The following CPNE1 variants were observed in gnomAD, a reference collection of about 807,000 sequenced individuals.
The protein encoded by CPNE1 is copine 1, also known as copine-1.
Under a neutral mutation model 63.2 loss-of-function variants are expected in CPNE1, and 58 were observed. The observed-to-expected ratio is 0.92, with a 90% CI of 0.74 to 1.14. CPNE1 has a LOEUF of 1.14. Ranked by LOEUF, CPNE1 falls within the 50% of genes most tolerant of loss-of-function variation. The pLI is 0.00. For missense variants in CPNE1, 672 were observed against 661.7 expected, an observed-to-expected ratio of 1.02 and a Z score of -0.17; for synonymous variants, 237 against 249.0, an observed-to-expected ratio of 0.95 and a Z score of 0.45.
chr20:35,655,418 CA>C, intron 1 of CPNE1: 1 of 1,288,940 alleles, frequency 7.8e-7, no homozygotes, highest in African/African-American at 1.5e-5. Context: ...CAAGAATGAC[CA>C]GCTACCATAT....
intron 13 of CPNE1, among the ~76,000 whole-genome samples, chr20:35,629,544 G>A (rs1278878374): frequency 6.6e-6 from 1 of 152,036 alleles, no homozygotes; most frequent in African/African-American, 2.4e-5. Flanking sequence ...GTAAGTACCA[G>A]GCTTACTGCT....
intron 1 of CPNE1, among the ~76,000 whole-genome samples, chr20:35,636,139 G>A (rs879846839): frequency 3.3e-5 from 5 of 152,178 alleles, no homozygotes; most frequent in Admixed American, 1.3e-4. Context: ...AGAAACAGCC[G>A]CAGTTCTTTT....
At chr20:35,645,249 T>C (rs1269955472) in intron 1 of CPNE1, among the ~76,000 whole-genome samples, 4 of 152,232 alleles carry the variant, frequency 2.6e-5, no homozygotes, top group Non-Finnish European at 5.9e-5. Context: ...TTCACTGGAA[T>C]AAATTCATTT....
chr20:35,650,929 G>A (rs1330807951), intron 1 of CPNE1: 17 of 152,564 alleles, frequency 1.1e-4, no homozygotes, highest in Non-Finnish European at 2.9e-5. Context: ...TGTTTCAAAC[G>A]AAGACAAAGG....
intron 12 of CPNE1, 86 bp downstream of exon 12, chr20:35,630,655 G>T: frequency 6.5e-7 from 1 of 1,529,606 alleles, no homozygotes; most frequent in Non-Finnish European, 9.1e-7. Flanking sequence ...AAAGCTGAGT[G>T]CCAAGTAGCA....
At chr20:35,629,915 T>A (rs563356331) in intron 13 of CPNE1, among the ~76,000 whole-genome samples, 17 of 152,000 alleles carry the variant, frequency 1.1e-4, no homozygotes, top group Non-Finnish European at 1.5e-4. Flanking sequence ...CACCTTGGCC[T>A]CGCAACTGAG....
chr20:35,648,103 T>A (rs2033253599), intron 1 of CPNE1, among the ~76,000 whole-genome samples: 1 of 151,492 alleles, frequency 6.6e-6, no homozygotes, highest in African/African-American at 2.4e-5. Context: ...GAGCAGGAGA[T>A]GAACTTGCTT....
intron 1 of CPNE1, chr20:35,658,912 C>A: frequency 1.4e-6 from 1 of 712,418 alleles, no homozygotes; most frequent in Admixed American, 2.1e-5. Flanking sequence ...AACGAACTCT[C>A]TATTCAAAAT....
chr20:35,640,926 C>T (rs1439684446), intron 1 of CPNE1, among the ~76,000 whole-genome samples: 1 of 152,092 alleles, frequency 6.6e-6, no homozygotes, highest in Non-Finnish European at 1.5e-5. Flanking sequence ...TCCCCACCCC[C>T]TGACCCTTCC....
chr20:35,653,153 G>C (rs767631496), intron 1 of CPNE1: 2 of 1,613,476 alleles, frequency 1.2e-6, no homozygotes, highest in Non-Finnish European at 8.5e-7. Context: ...AAATTACCAG[G>C]AAAGTTAAAT....
rs2032246886 is a variant in CPNE1, at chr20:35,632,714, T to G, written c.130-18A>C. ...CGGCCAAGCTGTGGGCAGAGGCCAGTAAGCATCACAGTCACAGCCTCCACC... is the reference window on the plus strand; with the variant it reads ...CGGCCAAGCTGTGGGCAGAGGCCAGGAAGCATCACAGTCACAGCCTCCACC... On this transcript the variant is annotated intron_variant, in intron 2 of 15. Coordinates refer to ENST00000397443, the MANE Select transcript of CPNE1 (RefSeq NM_152925.3). The G allele has an allele frequency of 4.4e-6, 4 of 903,778 alleles. No homozygotes were observed. Among genetic ancestry groups the G allele is most frequent in the Non-Finnish European group, 7.5e-6 (4 of 530,204 alleles). 56.0% of individuals were successfully genotyped at this position (903,778 alleles called of 1,614,324 possible). A position where few individuals can be genotyped will look rare whatever the true frequency, so the allele number is the denominator to read the frequency against.
At chr20:35,643,669 G>C (rs1013221678) in intron 1 of CPNE1, among the ~76,000 whole-genome samples, 6 of 152,126 alleles carry the variant, frequency 3.9e-5, no homozygotes, top group Non-Finnish European at 5.9e-5. Flanking sequence ...CTTGAACCCA[G>C]GAGGCGGAGC....
chr20:35,634,841 C>A (rs995881192), intron 1 of CPNE1, among the ~76,000 whole-genome samples: 4 of 151,716 alleles, frequency 2.6e-5, no homozygotes, highest in Admixed American at 6.6e-5. Flanking sequence ...TGGGTTCAAG[C>A]GATCCCTCCC....
chr20:35,646,688 A>C (rs971280371), intron 1 of CPNE1, among the ~76,000 whole-genome samples: 1 of 152,234 alleles, frequency 6.6e-6, no homozygotes, highest in Admixed American at 6.5e-5. Context: ...GAACAGCAGC[A>C]GAATGGAGGT....
At position 35,627,305 on chromosome 20, in the gene CPNE1, T is replaced by G; in HGVS notation, c.1211A>C (p.Gln404Pro). 2 of 1,611,242 alleles carry G rather than the reference T, an allele frequency of 1.2e-6. No individual in the cohort carries two copies. Among genetic ancestry groups the G allele is most frequent in the African/African-American group, 2.7e-5 (2 of 74,284 alleles). The change falls in exon 14 of 16, where the codon CAG becomes CCG. Residue 404 changes from glutamine (Q) to proline (P), a missense_variant. Transcript: ENST00000397443. ...IINHVARFAA[Q>P]AAHQGTASQY... is the part of the protein sequence containing the mutation. ...CGAGGCAGTCCCCTGATGTGCAGCC[T>G]GGGCTGCAAACCTGGCCACATGGTT...
rs369651881 is a variant in CPNE1 at position 35,630,485 on chromosome 20, C to T, written c.1056G>A (p.Ser352=). The T allele has an allele frequency of 1.3e-5, 21 of 1,613,876 alleles. No homozygotes were observed. The highest frequency in any genetic ancestry group is 1.6e-4 in the Middle Eastern group (1 of 6,084). Residue 352 remains serine (S), a synonymous_variant, in exon 13 of 16, where the codon TCG becomes TCA. Transcript: ENST00000397443. ...GAQVPPDWQV[S]HEFALNFNPS... is the part of the protein sequence containing the mutation. ...GGTTGAAATTCAAGGCAAATTCATG[C>T]GAGACCTGGAGACAAGAATGAAAAT...
chr20:35,659,991 G>A (rs962864632), intron 1 of CPNE1, among the ~76,000 whole-genome samples: 1 of 152,036 alleles, frequency 6.6e-6, no homozygotes, highest in Admixed American at 6.5e-5. Context: ...TACAACTAAT[G>A]ACCTTAATAT....
intron 1 of CPNE1, among the ~76,000 whole-genome samples, chr20:35,637,147 T>G (rs1009645505): frequency 1.1e-4 from 17 of 152,106 alleles, no homozygotes; most frequent in African/African-American, 3.9e-4. Flanking sequence ...AAGCCTCCAC[T>G]TCCAGTTCAA....
chr20:35,653,840 T>A (rs2033714327), intron 1 of CPNE1: 1 of 1,613,924 alleles, frequency 6.2e-7, no homozygotes, highest in Non-Finnish European at 8.5e-7. Context: ...CGATTGCCCA[T>A]GTACTGTTTA....
Sources: allele counts gnomAD v4.1 joint callset (sites outside exome capture counted in the v4.1 genomes callset), GRCh38; gene constraint gnomAD v4.1.1; transcripts MANE v1.5; gene names NCBI Gene and HGNC (gene_info 2026-07-23, HGNC 2026-07-21).